The following COL4A6 variants were observed in gnomAD, a reference collection of about 807,000 sequenced individuals.
COL4A6 encodes the protein collagen alpha-6(IV) chain.
COL4A6 carries 59 observed loss-of-function variants against 126.7 expected under a neutral mutation model. The observed-to-expected ratio is 0.47, with a 90% CI of 0.38 to 0.58. The LOEUF (loss-of-function observed/expected upper bound fraction) is 0.58, where lower values mean the gene tolerates loss of function less well. Ranked by LOEUF, COL4A6 falls within the 20% of genes least tolerant of loss-of-function variation. The pLI, the probability that COL4A6 is intolerant of heterozygous loss-of-function variation, is 0.00. For synonymous variants in COL4A6, 547 were observed against 496.6 expected (o/e 1.10, Z -1.35); for missense variants, 1,285 against 1,337.3 (o/e 0.96, Z 0.61).
intron 3 of COL4A6, among the ~76,000 whole-genome samples, chrX:108,261,340 A>G (rs1422953921): frequency 8.9e-6 from 1 of 111,778 alleles, no homozygotes; most frequent in African/African-American, 3.2e-5. Context: ...CCTAGAAAGC[A>G]TAAGTATTAT....
chrX:108,175,696 T>C lies in COL4A6; in HGVS notation c.2788A>G (p.Lys930Glu). 1 of 1,206,081 alleles carries C rather than the reference T, an allele frequency of 8.3e-7. No homozygotes were observed. The highest frequency in any genetic ancestry group is 1.1e-6 in the Non-Finnish European group (1 of 890,822). The change falls in exon 29 of 45, where the codon AAA becomes GAA. Residue 930 changes from lysine to glutamate, a missense_variant. Transcript: ENST00000334504. ...CCAGCACGTCCAGATGGTCCCATTTTTCCAGTTGATCCTGGAATTCCTTTT... is the reference window on the plus strand; with the variant it reads ...CCAGCACGTCCAGATGGTCCCATTTCTCCAGTTGATCCTGGAATTCCTTTT... Reference protein sequence around the residue: ...GLKGIPGSTGKMGPSGRAGTP... With the variant: ...GLKGIPGSTGEMGPSGRAGTP...
intron 22 of COL4A6, 67 bp from the exon 23 acceptor site, chrX:108,187,346 A>G: frequency 1.1e-6 from 1 of 900,337 alleles, no homozygotes. Context: ...TCCTCTGACT[A>G]CAGGAAAGAG....
At chrX:108,397,811 A>ATCTT (rs1569455904) in intron 2 of COL4A6, among the ~76,000 whole-genome samples, 1 of 111,810 alleles carries the variant, frequency 8.9e-6, no homozygotes, top group East Asian at 2.8e-4. Flanking sequence ...GTGCAAACAC[A>ATCTT]TCTTTCTATA....
At chrX:108,435,339 A>T (rs2064246364) in intron 2 of COL4A6, among the ~76,000 whole-genome samples, 1 of 111,974 alleles carries the variant, frequency 8.9e-6, no homozygotes, top group African/African-American at 3.2e-5. Context: ...TGATGGTGAG[A>T]TTTGTATCTT....
chrX:108,407,717 G>A (rs1023328853), intron 2 of COL4A6, among the ~76,000 whole-genome samples: 33 of 111,895 alleles, frequency 2.9e-4, no homozygotes, highest in African/African-American at 1.0e-3. Context: ...TTACAATATT[G>A]TAAGATTGAT....
intron 2 of COL4A6, among the ~76,000 whole-genome samples, chrX:108,391,095 T>C (rs2040827690): frequency 9.0e-6 from 1 of 111,272 alleles, no homozygotes; most frequent in Non-Finnish European, 1.9e-5. Flanking sequence ...ACCAGCCAAA[T>C]GCCATCCAGC....
intron 3 of COL4A6, among the ~76,000 whole-genome samples, chrX:108,235,842 C>A (rs763584079): frequency 9.1e-6 from 1 of 110,196 alleles, no homozygotes; most frequent in South Asian, 3.9e-4. Context: ...GATGGGAAAT[C>A]GAGGAGGGGG....
intron 2 of COL4A6, among the ~76,000 whole-genome samples, chrX:108,347,505 G>A (rs1443907604): frequency 9.0e-6 from 1 of 111,279 alleles, no homozygotes; most frequent in Non-Finnish European, 1.9e-5. Context: ...TTGAACTCAG[G>A]AACATGTCAG....
chrX:108,362,012 C>A (rs760080696), intron 2 of COL4A6, among the ~76,000 whole-genome samples: 71 of 110,935 alleles, frequency 6.4e-4, no homozygotes, highest in African/African-American at 2.3e-3. Context: ...TGAACTTGGA[C>A]AAGTCATTTG....
Position 108,163,005 on chromosome X carries a change from G to T in COL4A6, c.4103C>A (p.Thr1368Lys). The part of the protein sequence containing the change: ...SSGLQGDPGQ[T>K]PTAEAVQVPP... ...AACCTGGACAGCTTCTGCAGTTGGTGTTTGTCCAGGATCACCTTGGAGGCC... is the reference window on the plus strand; with the variant it reads ...AACCTGGACAGCTTCTGCAGTTGGTTTTTGTCCAGGATCACCTTGGAGGCC... The change falls in exon 41 of 45, where the codon ACA (threonine) becomes AAA (lysine). Residue 1368 changes from threonine to lysine, a missense_variant. Coordinates refer to ENST00000334504, the MANE Select transcript of COL4A6 (RefSeq NM_033641.4). 8.3e-7 allele frequency: 1 copy of T among 1,200,130 alleles called. No individual in the cohort carries two copies. Among genetic ancestry groups the T allele is most frequent in the Non-Finnish European group, 1.1e-6 (1 of 891,033 alleles).
At chrX:108,302,718 C>T (rs1432174473) in intron 3 of COL4A6, among the ~76,000 whole-genome samples, 1 of 110,727 alleles carries the variant, frequency 9.0e-6, no homozygotes, top group Non-Finnish European at 1.9e-5. Context: ...GTGGAGCCCC[C>T]ACTCTTCCCT....
chrX:108,310,630 T>A (rs937049194), intron 3 of COL4A6, 118 bp downstream of exon 3: 2 of 584,133 alleles, frequency 3.4e-6, no homozygotes, highest in Admixed American at 5.9e-5. Flanking sequence ...CTGGTCCTCA[T>A]CACTTTGCTT....
Position 108,290,318 on chromosome X carries a change from G to A in COL4A6, c.144+20430C>T, listed in dbSNP as rs141793917. On this transcript the variant is annotated intron_variant, in intron 3 of 44. Transcript: ENST00000334504. ...AGTAGAAAAGAGGGCTTGACCAGGA[G>A]ACAAATGGCCTTGTCACTTGCTGAC... Among the ~76,000 whole-genome samples, 955 of 112,223 alleles carry A rather than the reference G, an allele frequency of 8.5e-3. 5 individuals carry two copies. The highest frequency in any genetic ancestry group is 0.015 in the Non-Finnish European group (783 of 53,226).
At chrX:108,204,274 T>C (rs1031159931) in intron 12 of COL4A6, 46 bp downstream of exon 12, 4 of 958,659 alleles carry the variant, frequency 4.2e-6, no homozygotes, top group South Asian at 2.6e-5. Context: ...ATTATAATTA[T>C]AGGAAAAGTT....
Position 108,164,923 on chromosome X carries a change from T to C in COL4A6, c.3924A>G (p.Gln1308=), listed in dbSNP as rs766126341. 111 of 1,206,253 alleles carry C rather than the reference T, an allele frequency of 9.2e-5. No individual in the cohort carries two copies. Among genetic ancestry groups the C allele is most frequent in the Non-Finnish European group, 1.1e-4 (101 of 893,535 alleles). The part of the protein sequence containing the change: ...IPGPKGPKGD[Q]GIPGFSGLPG... ...GGAGGCCAGAAAAACCTGGAATTCC[T>C]TGGTCTCCCTTAGGCCCTTTAGGTC... Residue 1308 remains glutamine (Q), a synonymous_variant, in exon 39 of 45, where the codon CAA becomes CAG. Coordinates refer to ENST00000334504, the MANE Select transcript of COL4A6 (RefSeq NM_033641.4).
At chrX:108,420,226 C>T (rs982188912) in intron 2 of COL4A6, among the ~76,000 whole-genome samples, 11 of 111,373 alleles carry the variant, frequency 9.9e-5, no homozygotes, top group African/African-American at 3.6e-4. Flanking sequence ...AGTGTCATAT[C>T]CTTTCCAGGA....
At chrX:108,371,655 G>A (rs1398703854) in intron 2 of COL4A6, among the ~76,000 whole-genome samples, 1 of 107,919 alleles carries the variant, frequency 9.3e-6, no homozygotes, top group Non-Finnish European at 1.9e-5. Flanking sequence ...TACTTGGAAG[G>A]CTGAGGTGGG....
At chrX:108,264,612 A>G (rs1489750637) in intron 3 of COL4A6, among the ~76,000 whole-genome samples, 1 of 111,488 alleles carries the variant, frequency 9.0e-6, no homozygotes, top group Admixed American at 9.6e-5. Context: ...TCTGTACTTG[A>G]TAATTAATAT....
chrX:108,313,496 T>G (rs1004092039), intron 2 of COL4A6, among the ~76,000 whole-genome samples: 4 of 111,572 alleles, frequency 3.6e-5, no homozygotes, highest in African/African-American at 1.3e-4. Flanking sequence ...GCAAAAAAAT[T>G]TTTTTAAATC....
Sources: gnomAD v4.1 joint callset for allele counts (sites outside exome capture counted in the v4.1 genomes callset) on GRCh38, gnomAD v4.1.1 for gene constraint, MANE v1.5 for transcripts, NCBI Gene and HGNC (gene_info 2026-07-23, HGNC 2026-07-21) for gene names.